The following CEP89 variants were observed in gnomAD, a reference collection of about 807,000 sequenced individuals.
CEP89 encodes centrosomal protein of 89 kDa.
Under a neutral mutation model 97.6 loss-of-function variants are expected in CEP89, and 95 were observed. The observed-to-expected ratio is 0.97, with a 90% CI of 0.82 to 1.15. The LOEUF is 1.15. Among genes scored for constraint, CEP89 ranks in the 50% most tolerant of loss-of-function variants. The pLI, the probability that CEP89 is intolerant of heterozygous loss-of-function variation, is 0.00. For synonymous variants in CEP89, 354 were observed against 349.1 expected, an observed-to-expected ratio of 1.01 and a Z score of -0.16; for missense variants, 869 against 947.7, an observed-to-expected ratio of 0.92 and a Z score of 1.09.
chr19:32,902,028 GTGTGTGTGTGTGTGTGTA>G (rs1415903197), intron 14 of CEP89, among the ~76,000 whole-genome samples: 1 of 151,222 alleles, frequency 6.6e-6, no homozygotes, highest in Non-Finnish European at 1.5e-5. Flanking sequence ...GTGTGTGTGT[GTGTGTGTGTGTGTGTGTA>G]TGTGTGTGTA....
intron 4 of CEP89, among the ~76,000 whole-genome samples, chr19:32,950,154 C>T (rs771613696): frequency 2.6e-5 from 4 of 151,990 alleles, no homozygotes; most frequent in Admixed American, 6.6e-5. Flanking sequence ...CACGCAAGGC[C>T]GACCTCAAGC....
intron 9 of CEP89, among the ~76,000 whole-genome samples, chr19:32,927,277 T>C (rs963623440): frequency 2.0e-5 from 3 of 152,156 alleles, no homozygotes; most frequent in African/African-American, 7.2e-5. Flanking sequence ...TTTAGAGTAA[T>C]TTGCAGATAT....
intron 16 of CEP89, among the ~76,000 whole-genome samples, chr19:32,890,948 G>A (rs1969502645): frequency 6.6e-6 from 1 of 152,152 alleles, no homozygotes; most frequent in Non-Finnish European, 1.5e-5. Context: ...GGAGCGCCAC[G>A]GACATCTCCC....
Position 32,959,904 on chromosome 19 carries a change from G to C in CEP89, c.301C>G (p.Pro101Ala). 2 of 1,614,172 alleles carry C rather than the reference G, an allele frequency of 1.2e-6. No homozygotes were observed. The highest frequency in any genetic ancestry group is 8.5e-7 in the Non-Finnish European group (1 of 1,180,034). The change falls in exon 3 of 19, where the codon CCT (proline) becomes GCT (alanine). Residue 101 changes from proline to alanine, a missense_variant. Physicochemically the swap from Pro to Ala is conservative, Grantham distance 27 (BLOSUM62 -1). Transcript: ENST00000305768. The stretch of plus-strand genomic sequence containing the variant: ...AGGCGGCGATCTGGTACCTACCGAG[G>C]CCTCAGCTGTGAGGTGGTGGCATAG... ...EPYATTSQLRPRPNWQSEMGR... is the reference protein window; with the variant it reads ...EPYATTSQLRARPNWQSEMGR...
chr19:32,948,248 G>A lies in CEP89; in HGVS notation c.595+18C>T, dbSNP rs1475928946. On this transcript the variant is annotated intron_variant, in intron 5 of 18. Coordinates refer to ENST00000305768, the MANE Select transcript of CEP89 (RefSeq NM_032816.5). Reference sequence around the variant, plus strand: ...AATGTTCTTATATTTTATAAAAATTGTGGTTTTTTTTTTCTACCTTTTTGT... The same window carrying A: ...AATGTTCTTATATTTTATAAAAATTATGGTTTTTTTTTTCTACCTTTTTGT... 2.1e-6 allele frequency: 3 copies of A among 1,417,652 alleles called. No individual in the cohort carries two copies. Among genetic ancestry groups the A allele is most frequent in the South Asian group, 1.3e-5 (1 of 77,712 alleles). The allele number at this position is 1,417,652 out of a possible 1,614,324, so 87.8% of individuals were successfully genotyped here.
chr19:32,892,565 C>T (rs935550446), intron 16 of CEP89, among the ~76,000 whole-genome samples: 1 of 151,364 alleles, frequency 6.6e-6, no homozygotes, highest in Non-Finnish European at 1.5e-5. Flanking sequence ...CTCAGCCTCC[C>T]AAAGTGCTGG....
intron 6 of CEP89, among the ~76,000 whole-genome samples, 180 bp downstream of exon 6, chr19:32,939,676 CA>C (rs34993676): frequency 0.42 from 49,935 of 119,446 alleles, 8,219 homozygotes; most frequent in Admixed American, 0.53. Flanking sequence ...ACCCCCTTCT[CA>C]AAAAAAAAAA....
chr19:32,887,845 G>A lies in CEP89; in HGVS notation c.1876-4C>T, dbSNP rs751015260. The A allele has an allele frequency of 1.9e-6, 3 of 1,567,168 alleles. No individual in the cohort carries two copies. Among genetic ancestry groups the A allele is most frequent in the Non-Finnish European group, 2.6e-6 (3 of 1,143,960 alleles). ...TCTCACTTTCTAAACATTTTGCCTA[G>A]GGAGAAGGGTGATAAATGGGCTCTC... On this transcript the variant is annotated splice_polypyrimidine_tract_variant and splice_region_variant and intron_variant, in intron 16 of 18. Coordinates refer to ENST00000305768, the MANE Select transcript of CEP89 (RefSeq NM_032816.5).
At chr19:32,919,654 CTGTTT>C (rs1459935546) in intron 12 of CEP89, among the ~76,000 whole-genome samples, 4 of 152,166 alleles carry the variant, frequency 2.6e-5, no homozygotes, top group Non-Finnish European at 5.9e-5. Context: ...CCATGATGGT[CTGTTT>C]TATGTTTTAG....
At chr19:32,915,631 A>T in intron 13 of CEP89, 114 bp from the exon 14 acceptor site, 1 of 1,017,364 alleles carries the variant, frequency 9.8e-7, no homozygotes, top group East Asian at 2.7e-5. Flanking sequence ...CCTTTTAAAG[A>T]TCTTTTGAGC....
chr19:32,904,052 C>G, intron 14 of CEP89, among the ~76,000 whole-genome samples: 2 of 152,160 alleles, frequency 1.3e-5, no homozygotes, highest in Middle Eastern at 3.4e-3. Context: ...CCCAGCTACT[C>G]GAGAGGCTGA....
rs1455673062 is a variant in CEP89 at position 32,948,305 on chromosome 19, G to C, written c.556C>G (p.Pro186Ala). 6.2e-7 allele frequency: 1 copy of C among 1,611,192 alleles called. No individual in the cohort carries two copies. Among genetic ancestry groups the C allele is most frequent in the Non-Finnish European group, 8.5e-7 (1 of 1,178,744 alleles). The change falls in exon 5 of 19, where the codon CCA becomes GCA. Residue 186 changes from proline to alanine, a missense_variant. Transcript: ENST00000305768. Reference protein sequence around the residue: ...DENISHQDGFPGSPPAPQRTQ... With the variant: ...DENISHQDGFAGSPPAPQRTQ... The stretch of plus-strand genomic sequence containing the variant: ...CGCTGTGGTGCAGGAGGGGAGCCTG[G>C]AAACCCATCTTGATGAGAAATATTT...
intron 8 of CEP89, among the ~76,000 whole-genome samples, chr19:32,931,881 C>T (rs1382830641): frequency 1.3e-5 from 2 of 152,122 alleles, no homozygotes; most frequent in Non-Finnish European, 2.9e-5. Flanking sequence ...AGAATATGTG[C>T]TTTGAAAAAT....
chr19:32,918,088 C>T, intron 13 of CEP89, 136 bp downstream of exon 13: 1 of 716,594 alleles, frequency 1.4e-6, no homozygotes, highest in Non-Finnish European at 2.4e-6. Context: ...AGGTTATAAA[C>T]AGCCACATTC....
chr19:32,963,783 TG>T (rs1242610103), intron 2 of CEP89: 2 of 152,198 alleles, frequency 1.3e-5, no homozygotes, highest in African/African-American at 4.8e-5. Flanking sequence ...AGATGAAGAT[TG>T]ATCAAACAAG....
intron 18 of CEP89, among the ~76,000 whole-genome samples, chr19:32,879,940 A>G (rs1158803598): frequency 6.6e-6 from 1 of 152,158 alleles, no homozygotes. Context: ...ACCTGAGGAG[A>G]TAAGACTCAT....
intron 3 of CEP89, among the ~76,000 whole-genome samples, chr19:32,958,015 C>CCCA (rs59917548): frequency 4.7e-4 from 70 of 148,472 alleles, no homozygotes; most frequent in African/African-American, 1.4e-3. Context: ...CAAAAAAATC[C>CCCA]CCCCCCCGCC....
At chr19:32,946,722 A>G (rs978789518) in intron 5 of CEP89, among the ~76,000 whole-genome samples, 7 of 152,100 alleles carry the variant, frequency 4.6e-5, no homozygotes, top group African/African-American at 1.4e-4. Context: ...TGATGGTTTT[A>G]TAAGGGGAAA....
chr19:32,879,310 A>G lies in CEP89; in HGVS notation c.2204T>C (p.Leu735Pro). Residue 735 changes from leucine (L) to proline (P), a missense_variant, in exon 19 of 19, where the codon CTT becomes CCT. Coordinates refer to ENST00000305768, the MANE Select transcript of CEP89 (RefSeq NM_032816.5). ...TFRENRRIRELLQDTLTRTGV... is the reference protein window; with the variant it reads ...TFRENRRIREPLQDTLTRTGV... The stretch of plus-strand genomic sequence containing the variant: ...TGTCCTCGTGAGTGTGTCCTGGAGA[A>G]GTTCTCGGATTCTTCGGTTTTCCCT... The G allele has an allele frequency of 1.2e-6, 2 of 1,614,276 alleles. No homozygotes were observed. The highest frequency in any genetic ancestry group is 2.2e-5 in the South Asian group (2 of 91,088).
Sources: allele counts gnomAD v4.1 joint callset (sites outside exome capture counted in the v4.1 genomes callset), GRCh38; gene constraint gnomAD v4.1.1; transcripts MANE v1.5; gene names NCBI Gene and HGNC (gene_info 2026-07-23, HGNC 2026-07-21).